The following DNMBP variants were observed in gnomAD, a reference collection of about 807,000 sequenced individuals.
DNMBP encodes the protein dynamin binding protein.
Under a neutral mutation model 150.0 loss-of-function variants are expected in DNMBP, and 87 were observed. The observed-to-expected ratio is 0.58, with a 90% CI of 0.49 to 0.69. The LOEUF (loss-of-function observed/expected upper bound fraction) is 0.69. Ranked by LOEUF, DNMBP falls within the 30% of genes least tolerant of loss-of-function variation. DNMBP has a pLI of 0.00. For synonymous variants in DNMBP, 711 were observed against 750.4 expected (o/e 0.95, Z 0.86); for missense variants, 1,774 against 1,949.0 (o/e 0.91, Z 1.69).
chr10:99,911,338 T>C (rs10883420), intron 4 of DNMBP, among the ~76,000 whole-genome samples: 67,906 of 151,954 alleles, frequency 0.45, 15,386 homozygotes, highest in African/African-American at 0.47. Context: ...CTGACCAACA[T>C]GGTGAAACCC....
Position 99,880,009 on chromosome 10 carries a change from T to G in DNMBP, c.4350A>C (p.Ala1450=). 6.2e-7 allele frequency: 1 copy of G among 1,614,230 alleles called. No homozygotes were observed. The highest frequency in any genetic ancestry group is 1.7e-5 in the Admixed American group (1 of 60,018). The change falls in exon 16 of 17, where the codon GCA becomes GCC. Residue 1450 remains alanine (A), a synonymous_variant. Coordinates refer to ENST00000324109, the MANE Select transcript of DNMBP (RefSeq NM_015221.4). The stretch of plus-strand genomic sequence containing the variant: ...GTTGCTTTACATCTCTAGCTACATC[T>G]GCAGAGTCCCCTGACCTTGGCTGGG... The part of the protein sequence containing the change: ...STSQPRSGDS[A]DVARDVKQPT...
chr10:99,941,932 G>A (rs762706581), intron 4 of DNMBP, among the ~76,000 whole-genome samples: 2 of 152,096 alleles, frequency 1.3e-5, no homozygotes, highest in Non-Finnish European at 2.9e-5. Context: ...CCTCCTAACT[G>A]GTCTCTCAGC....
chr10:99,986,970 C>T (rs374843013), intron 1 of DNMBP, among the ~76,000 whole-genome samples: 17 of 150,794 alleles, frequency 1.1e-4, no homozygotes, highest in African/African-American at 3.4e-4. Flanking sequence ...CTGGCTAACA[C>T]GGTGAAACCC....
At chr10:99,983,928 C>A (rs1449936558) in intron 1 of DNMBP, among the ~76,000 whole-genome samples, 1 of 152,188 alleles carries the variant, frequency 6.6e-6, no homozygotes, top group Non-Finnish European at 1.5e-5. Context: ...CTCAGTCCTT[C>A]TCAGGATTTA....
intron 1 of DNMBP, among the ~76,000 whole-genome samples, chr10:99,990,741 GCACATGTATATA>G (rs1177237589): frequency 6.9e-6 from 1 of 144,174 alleles, no homozygotes. Flanking sequence ...ACATATATAT[GCACATGTATATA>G]CACATATATA....
chr10:99,905,740 G>C (rs938878846), intron 6 of DNMBP, among the ~76,000 whole-genome samples: 2 of 152,154 alleles, frequency 1.3e-5, no homozygotes, highest in African/African-American at 4.8e-5. Flanking sequence ...GGAGTCTGAG[G>C]AGGGAAGATC....
intron 11 of DNMBP, among the ~76,000 whole-genome samples, chr10:99,894,400 G>A (rs2039621072): frequency 6.6e-6 from 1 of 152,182 alleles, no homozygotes; most frequent in South Asian, 2.1e-4. Context: ...CATTGCTTGA[G>A]GCAAGGAAAG....
chr10:99,905,136 C>T (rs1026517530), intron 6 of DNMBP, among the ~76,000 whole-genome samples: 11 of 152,204 alleles, frequency 7.2e-5, no homozygotes, highest in African/African-American at 2.4e-4. Context: ...TATACACTGT[C>T]GTTTATGCTT....
At chr10:99,891,513 C>T (rs1014449547) in intron 11 of DNMBP, among the ~76,000 whole-genome samples, 5 of 152,030 alleles carry the variant, frequency 3.3e-5, no homozygotes, top group African/African-American at 7.3e-5. Flanking sequence ...GGCGTGATCT[C>T]GGCTCGCTAC....
chr10:99,891,505 C>T (rs1348823122), intron 11 of DNMBP, among the ~76,000 whole-genome samples: 1 of 152,014 alleles, frequency 6.6e-6, no homozygotes, highest in Non-Finnish European at 1.5e-5. Flanking sequence ...AGTGCAGTGG[C>T]GTGATCTCGG....
rs757057505 is a variant in DNMBP at position 99,955,778 on chromosome 10, G to T, written c.1696C>A (p.Pro566Thr). 8.7e-6 allele frequency: 14 copies of T among 1,614,118 alleles called. No homozygotes were observed. Among genetic ancestry groups the T allele is most frequent in the Non-Finnish European group, 1.2e-5 (14 of 1,180,048 alleles). ...LIEFEKSLAGPGTEPDKILRH... is the reference protein window; with the variant it reads ...LIEFEKSLAGTGTEPDKILRH... ...AAAATTTTATCTGGCTCTGTGCCGG[G>T]CCCTGCCAAGCTCTTCTCAAACTCG... Residue 566 changes from proline (P) to threonine (T), a missense_variant, in exon 4 of 17, where the codon CCC becomes ACC. Coordinates refer to ENST00000324109, the MANE Select transcript of DNMBP (RefSeq NM_015221.4).
At chr10:99,894,893 G>A (rs1386133095) in intron 11 of DNMBP, 53 bp downstream of exon 11, 4 of 1,348,078 alleles carry the variant, frequency 3.0e-6, no homozygotes, top group Non-Finnish European at 4.2e-6. Flanking sequence ...GAACAGGAAA[G>A]GGGACAGAAT....
intron 6 of DNMBP, among the ~76,000 whole-genome samples, chr10:99,901,177 C>A (rs970354697): frequency 1.1e-4 from 17 of 152,178 alleles, no homozygotes; most frequent in African/African-American, 3.9e-4. Context: ...CTCAAGCAAT[C>A]CACCTGCCTG....
At chr10:99,931,801 A>G (rs2040161382) in intron 4 of DNMBP, among the ~76,000 whole-genome samples, 1 of 152,236 alleles carries the variant, frequency 6.6e-6, no homozygotes, top group Non-Finnish European at 1.5e-5. Context: ...AGAAAGATCT[A>G]ATGTGATAAG....
At chr10:100,002,390 T>G (rs550594897) in intron 1 of DNMBP, among the ~76,000 whole-genome samples, 10 of 152,320 alleles carry the variant, frequency 6.6e-5, no homozygotes, top group African/African-American at 2.2e-4. Flanking sequence ...TAGCAGTTAG[T>G]GCTGCTAAAC....
chr10:99,879,707 T>A (rs2039332862), intron 16 of DNMBP, 104 bp downstream of exon 16: 1 of 1,523,046 alleles, frequency 6.6e-7, no homozygotes, highest in African/African-American at 1.4e-5. Context: ...TCATCTCAGA[T>A]CACCCCTAGG....
chr10:99,995,875 T>C (rs2040946174), intron 1 of DNMBP, among the ~76,000 whole-genome samples: 1 of 152,266 alleles, frequency 6.6e-6, no homozygotes, highest in African/African-American at 2.4e-5. Flanking sequence ...ACCCAGGTGC[T>C]GCCACGTCAG....
intron 6 of DNMBP, among the ~76,000 whole-genome samples, chr10:99,903,322 C>A (rs1589408591): frequency 2.0e-5 from 3 of 151,854 alleles, no homozygotes; most frequent in African/African-American, 7.2e-5. Context: ...ATCTTCACGG[C>A]CACTTTTTTT....
chr10:100,001,973 A>G (rs1161097478), intron 1 of DNMBP, among the ~76,000 whole-genome samples: 2 of 152,188 alleles, frequency 1.3e-5, no homozygotes, highest in Admixed American at 1.3e-4. Flanking sequence ...CCTCAGGCAT[A>G]AACTGTTCCA....
Sources: gnomAD v4.1 joint callset for allele counts (sites outside exome capture counted in the v4.1 genomes callset) on GRCh38, gnomAD v4.1.1 for gene constraint, MANE v1.5 for transcripts, NCBI Gene and HGNC (gene_info 2026-07-23, HGNC 2026-07-21) for gene names.